GRID1: variants seen among roughly 807,000 people sequenced by gnomAD.
GRID1 encodes glutamate receptor ionotropic, delta-1.
GRID1 carries 28 observed loss-of-function variants against 98.0 expected under a neutral mutation model. The ratio of observed to expected loss-of-function variants is 0.29; its 90% CI spans 0.21 to 0.39. The LOEUF is 0.39. Among genes scored for constraint, GRID1 ranks in the 10% least tolerant of loss-of-function variants. GRID1 has a pLI of 1.00. For synonymous variants in GRID1, 553 were observed against 538.5 expected, an observed-to-expected ratio of 1.03 and a Z score of -0.37; for missense variants, 1,111 against 1,340.5, an observed-to-expected ratio of 0.83 and a Z score of 2.67.
intron 8 of GRID1, among the ~76,000 whole-genome samples, chr10:85,749,645 T>C (rs557399503): frequency 6.6e-6 from 1 of 152,304 alleles, no homozygotes; most frequent in African/African-American, 2.4e-5. Flanking sequence ...ATCTGACCAC[T>C]GCCTAGCTAA....
chr10:85,875,610 C>T (rs906622616), intron 5 of GRID1, among the ~76,000 whole-genome samples: 1 of 151,944 alleles, frequency 6.6e-6, no homozygotes, highest in Non-Finnish European at 1.5e-5. Context: ...TACTTATTTA[C>T]CTACCCTTGG....
chr10:86,193,939 C>T (rs991222961), intron 3 of GRID1, among the ~76,000 whole-genome samples: 1 of 152,072 alleles, frequency 6.6e-6, no homozygotes, highest in Admixed American at 6.6e-5. Flanking sequence ...TGCTGCCGAC[C>T]TAAGTGGGCC....
chr10:86,346,534 A>C (rs1848384768), intron 2 of GRID1, among the ~76,000 whole-genome samples: 1 of 152,194 alleles, frequency 6.6e-6, no homozygotes, highest in African/African-American at 2.4e-5. Context: ...GGGACTTCTT[A>C]ATGAGATTAG....
At chr10:85,818,032 T>C (rs998872010) in intron 8 of GRID1, among the ~76,000 whole-genome samples, 1 of 152,250 alleles carries the variant, frequency 6.6e-6, no homozygotes, top group African/African-American at 2.4e-5. Flanking sequence ...AAAAGAATTG[T>C]ATTTAAATGC....
intron 2 of GRID1, among the ~76,000 whole-genome samples, chr10:86,319,323 G>C (rs540369928): frequency 6.6e-6 from 1 of 152,318 alleles, no homozygotes; most frequent in South Asian, 2.1e-4. Flanking sequence ...GGGAATAGAA[G>C]TATGGAGACC....
intron 4 of GRID1, among the ~76,000 whole-genome samples, chr10:85,927,029 T>A (rs976555010): frequency 2.6e-5 from 4 of 152,176 alleles, no homozygotes; most frequent in Non-Finnish European, 4.4e-5. Flanking sequence ...AACTAAATCA[T>A]CACCCACTTA....
At chr10:85,831,857 A>G (rs998464716) in intron 8 of GRID1, among the ~76,000 whole-genome samples, 6 of 152,120 alleles carry the variant, frequency 3.9e-5, no homozygotes, top group Admixed American at 3.3e-4. Context: ...AGAAAAATAA[A>G]CACAAAAATA....
intron 12 of GRID1, among the ~76,000 whole-genome samples, chr10:85,719,550 G>A (rs1034932168): frequency 6.6e-6 from 1 of 152,168 alleles, no homozygotes; most frequent in Non-Finnish European, 1.5e-5. Context: ...AGAAGCAAAA[G>A]CAGAAACCCC....
At chr10:86,255,349 T>C (rs996485779) in intron 2 of GRID1, among the ~76,000 whole-genome samples, 1 of 152,124 alleles carries the variant, frequency 6.6e-6, no homozygotes, top group Non-Finnish European at 1.5e-5. Flanking sequence ...TTCACAAGAC[T>C]CTTTGGGACA....
intron 3 of GRID1, among the ~76,000 whole-genome samples, chr10:86,168,762 C>A (rs1285391622): frequency 6.6e-6 from 1 of 152,184 alleles, no homozygotes; most frequent in Non-Finnish European, 1.5e-5. Context: ...AAAATACCTG[C>A]CTCTGGAAAG....
At chr10:85,627,584 G>C (rs1423415037) in intron 13 of GRID1, among the ~76,000 whole-genome samples, 2 of 152,194 alleles carry the variant, frequency 1.3e-5, no homozygotes, top group African/African-American at 4.8e-5. Context: ...GAACATCTCT[G>C]TGTTGCCTAT....
At chr10:85,951,792 T>C (rs11201846) in intron 4 of GRID1, among the ~76,000 whole-genome samples, 5,263 of 152,108 alleles carry the variant, frequency 0.035, 242 homozygotes, top group East Asian at 0.17. Flanking sequence ...CAACCTTCCC[T>C]GGAGTAATCA....
intron 12 of GRID1, among the ~76,000 whole-genome samples, chr10:85,713,567 C>T (rs1319433271): frequency 6.6e-6 from 1 of 151,268 alleles, no homozygotes; most frequent in Non-Finnish European, 1.5e-5. Flanking sequence ...AGGCTAATAT[C>T]CCAGATGAGC....
At chr10:86,255,874 T>C (rs1846910005) in intron 2 of GRID1, among the ~76,000 whole-genome samples, 2 of 152,110 alleles carry the variant, frequency 1.3e-5, no homozygotes, top group South Asian at 4.1e-4. Context: ...TCACCTCCCA[T>C]GTCCAACACA....
At chr10:85,750,907 G>A (rs534160192) in intron 8 of GRID1, among the ~76,000 whole-genome samples, 16 of 152,322 alleles carry the variant, frequency 1.1e-4, no homozygotes, top group Admixed American at 4.6e-4. Flanking sequence ...GGATATAACA[G>A]TAGGCAGCAT....
rs2132011208 is a variant in GRID1 at position 86,195,213 on chromosome 10, T to A, written c.520+11151A>T. Among the ~76,000 whole-genome samples, 1 of 152,154 alleles carries A rather than the reference T, an allele frequency of 6.6e-6. No individual in the cohort carries two copies. Among genetic ancestry groups the A allele is most frequent in the East Asian group, 1.9e-4 (1 of 5,168 alleles). On this transcript the variant is annotated intron_variant, in intron 3 of 15. Transcript: ENST00000327946. This position sits in a 1 kb window ranked among gnomAD's most constrained non-coding sequence, Gnocchi z 4.4. ...TGCACAGTCAGCGACTGTGCTTGAC[T>A]GAGAAACAGCCAAGCAAAACCCACT... is the stretch of plus-strand genomic sequence containing the variant.
At chr10:86,266,110 A>G (rs554653722) in intron 2 of GRID1, among the ~76,000 whole-genome samples, 39 of 152,184 alleles carry the variant, frequency 2.6e-4, no homozygotes, top group African/African-American at 9.2e-4. Context: ...CTGCTGGGGT[A>G]GTCACTGAGG....
intron 4 of GRID1, among the ~76,000 whole-genome samples, chr10:86,055,472 A>C (rs1216785352): frequency 6.6e-6 from 1 of 152,088 alleles, no homozygotes; most frequent in Non-Finnish European, 1.5e-5. Context: ...TGCTCTTTTA[A>C]GAAGAGACCC....
intron 4 of GRID1, among the ~76,000 whole-genome samples, chr10:86,085,871 C>A (rs1844047215): frequency 6.6e-6 from 1 of 152,158 alleles, no homozygotes. Flanking sequence ...AGAACCCAGG[C>A]TCTCCCACTG....
Sources: gnomAD v4.1 joint callset for allele counts (sites outside exome capture counted in the v4.1 genomes callset) on GRCh38, gnomAD v4.1.1 for gene constraint, Gnocchi (gnomAD v3.1) non-coding constraint, MANE v1.5 for transcripts, NCBI Gene and HGNC (gene_info 2026-07-23, HGNC 2026-07-21) for gene names.